Variants in TMEM132C observed in about 807,000 individuals in gnomAD.
The protein encoded by TMEM132C is transmembrane protein 132C.
Under a neutral mutation model 61.4 loss-of-function variants are expected in TMEM132C, and 29 were observed. The ratio of observed to expected loss-of-function variants is 0.47; its 90% CI spans 0.35 to 0.64. The LOEUF (loss-of-function observed/expected upper bound fraction) is 0.64. TMEM132C is among the 30% of genes least tolerant of loss of function. TMEM132C has a pLI of 0.00. For missense variants in TMEM132C, 1,408 were observed against 1,476.9 expected (o/e 0.95, Z 0.76); for synonymous variants, 656 against 633.1 (o/e 1.04, Z -0.54).
At chr12:128,599,869 A>T (rs1193853412) in intron 3 of TMEM132C, among the ~76,000 whole-genome samples, 1 of 152,214 alleles carries the variant, frequency 6.6e-6, no homozygotes, top group South Asian at 2.1e-4. Flanking sequence ...CCCACGTGTC[A>T]TAGGAAGGAC....
chr12:128,584,772 C>T (rs1875477995), intron 3 of TMEM132C, among the ~76,000 whole-genome samples: 1 of 152,188 alleles, frequency 6.6e-6, no homozygotes, highest in African/African-American at 2.4e-5. Flanking sequence ...CAGCTATTGT[C>T]AGCTGGGTGC....
intron 5 of TMEM132C, among the ~76,000 whole-genome samples, chr12:128,686,972 G>A (rs776746463): frequency 6.6e-6 from 1 of 152,020 alleles, no homozygotes; most frequent in East Asian, 1.9e-4. Context: ...CAAGGTGGGT[G>A]GATTACTTGA....
chr12:128,693,285 T>C (rs749503368), intron 5 of TMEM132C, among the ~76,000 whole-genome samples: 6 of 152,202 alleles, frequency 3.9e-5, no homozygotes, highest in Non-Finnish European at 7.3e-5. Flanking sequence ...GGGTGCAGCT[T>C]ACTTTCTGAA....
chr12:128,427,387 GGTGTGT>G (rs761620460), intron 2 of TMEM132C, among the ~76,000 whole-genome samples: 123 of 132,356 alleles, frequency 9.3e-4, no homozygotes, highest in African/African-American at 2.9e-3. Flanking sequence ...CTTCCAAAGG[GGTGTGT>G]GTGTGTGTGT....
intron 2 of TMEM132C, among the ~76,000 whole-genome samples, chr12:128,472,102 C>T (rs369790457): frequency 6.6e-6 from 1 of 152,114 alleles, no homozygotes; most frequent in African/African-American, 2.4e-5. Context: ...GCAGGAGGCA[C>T]CTGCACGTAC....
rs139539323 is a variant in TMEM132C, at chr12:128,376,753, G to C, written c.86-37979G>C. On this transcript the variant is annotated intron_variant, in intron 1 of 8. Transcript: ENST00000435159. ...GTATTTAGGAACAGAAAACTTAAAA[G>C]AAGAAGCAGTCTCCTTGCCATTCCG... Among the ~76,000 whole-genome samples, 626 of 152,350 alleles carry C rather than the reference G, an allele frequency of 4.1e-3. 6 individuals carry two copies. The highest frequency in any genetic ancestry group is 4.5e-3 in the Non-Finnish European group (304 of 68,030).
rs140572214 is a variant in TMEM132C at position 128,605,649 on chromosome 12, A to G, written c.1122-10503A>G. Among the ~76,000 whole-genome samples, 702 of 152,264 alleles carry G rather than the reference A, an allele frequency of 4.6e-3. 3 individuals carry two copies. The highest frequency in any genetic ancestry group is 0.011 in the African/African-American group (466 of 41,562). ...TCGACACCCTCAGTGGCATCACGTC[A>G]AACCACCTCCTGAGGCATCGGCTGA... On this transcript the variant is annotated intron_variant, in intron 3 of 8. Coordinates refer to ENST00000435159, the MANE Select transcript of TMEM132C (RefSeq NM_001136103.3).
At chr12:128,532,076 G>T (rs1172427489) in intron 2 of TMEM132C, among the ~76,000 whole-genome samples, 1 of 152,234 alleles carries the variant, frequency 6.6e-6, no homozygotes, top group Non-Finnish European at 1.5e-5. Context: ...ATCTATGAAA[G>T]GAAAAGTGTA....
At chr12:128,531,691 G>T (rs1457034602) in intron 2 of TMEM132C, among the ~76,000 whole-genome samples, 1 of 152,210 alleles carries the variant, frequency 6.6e-6, no homozygotes, top group Non-Finnish European at 1.5e-5. Flanking sequence ...CTTGGAACCA[G>T]TCTGTGCTTC....
At chr12:128,361,624 G>A (rs1222135399) in intron 1 of TMEM132C, among the ~76,000 whole-genome samples, 1 of 151,584 alleles carries the variant, frequency 6.6e-6, no homozygotes, top group African/African-American at 2.4e-5. Context: ...GAGGCTCTAC[G>A]AAAACTGAAA....
At chr12:128,701,900 T>TTC (rs1491306754) in intron 8 of TMEM132C, among the ~76,000 whole-genome samples, 1 of 80 alleles carries the variant, frequency 0.013, no homozygotes, top group Non-Finnish European at 0.042. Flanking sequence ...CTTCTTCTTC[T>TTC]TTTTTTTTTT....
intron 1 of TMEM132C, among the ~76,000 whole-genome samples, chr12:128,410,922 A>C (rs1336738989): frequency 6.6e-6 from 1 of 152,174 alleles, no homozygotes; most frequent in Non-Finnish European, 1.5e-5. Context: ...TTATCCACAA[A>C]TCTGGAACAG....
At chr12:128,378,823 A>T (rs186273808) in intron 1 of TMEM132C, among the ~76,000 whole-genome samples, 1 of 152,240 alleles carries the variant, frequency 6.6e-6, no homozygotes, top group Non-Finnish European at 1.5e-5. Context: ...CGTGGGAGGG[A>T]CCCAGTGCCC....
At chr12:128,312,668 G>A (rs931954426) in intron 1 of TMEM132C, among the ~76,000 whole-genome samples, 1 of 152,192 alleles carries the variant, frequency 6.6e-6, no homozygotes, top group Non-Finnish European at 1.5e-5. Flanking sequence ...CAGGAACTGG[G>A]AGACTCATGA....
chr12:128,300,496 A>C (rs1871560669), intron 1 of TMEM132C, among the ~76,000 whole-genome samples: 1 of 152,058 alleles, frequency 6.6e-6, no homozygotes, highest in South Asian at 2.1e-4. Flanking sequence ...TTCACAGCAT[A>C]GTTGTGGTGG....
At position 128,660,013 on chromosome 12, in the gene TMEM132C, C is replaced by T. The variant is rs555346212; in HGVS notation, c.1306-9404C>T. Among the ~76,000 whole-genome samples, 9 of 152,324 alleles carry T rather than the reference C, an allele frequency of 5.9e-5. No individual in the cohort carries two copies. The South Asian group carries it at 6.2e-4, about 11-fold the overall frequency. ...TGAGTGAGTTAGTTGGCATTCTTGA[C>T]GTCGTCTCTTCACCCTTCAAATCAG... On this transcript the variant is annotated intron_variant, in intron 4 of 8. Transcript: ENST00000435159.
chr12:128,528,569 A>G (rs908274574), intron 2 of TMEM132C, among the ~76,000 whole-genome samples: 1 of 152,034 alleles, frequency 6.6e-6, no homozygotes, highest in Non-Finnish European at 1.5e-5. Context: ...GAGTTTCTCA[A>G]CCTCAGTACT....
At chr12:128,677,622 A>T (rs1214900292) in intron 5 of TMEM132C, among the ~76,000 whole-genome samples, 2 of 152,108 alleles carry the variant, frequency 1.3e-5, no homozygotes, top group African/African-American at 4.8e-5. Context: ...TGACACTGAC[A>T]CACAATACCC....
intron 3 of TMEM132C, among the ~76,000 whole-genome samples, chr12:128,551,593 G>T (rs1874177596): frequency 6.6e-6 from 1 of 152,218 alleles, no homozygotes; most frequent in African/African-American, 2.4e-5. Context: ...TTCCCCGTCA[G>T]TGCCCTGTGA....
Sources: gnomAD v4.1 joint callset for allele counts (sites outside exome capture counted in the v4.1 genomes callset) on GRCh38, gnomAD v4.1.1 for gene constraint, MANE v1.5 for transcripts, NCBI Gene and HGNC (gene_info 2026-07-23, HGNC 2026-07-21) for gene names.